The following CSMD1 variants were observed in gnomAD, a reference collection of about 807,000 sequenced individuals.
The protein encoded by CSMD1 is CUB and Sushi multiple domains 1, also known as CUB and sushi domain-containing protein 1.
In CSMD1, 213 loss-of-function variants were observed where a neutral mutation model predicts 417.5. The observed-to-expected ratio is 0.51, with a 90% CI of 0.46 to 0.57. CSMD1 has a LOEUF of 0.57. Among genes scored for constraint, CSMD1 ranks in the 20% least tolerant of loss-of-function variants. CSMD1 has a pLI of 0.00. For missense variants in CSMD1, 6,923 were observed against 4,529.7 expected (o/e 1.53, Z -15.17); for synonymous variants, 2,862 against 1,736.8 (o/e 1.65, Z -16.11).
chr8:3,709,971 C>G (rs532667586), intron 6 of CSMD1, among the ~76,000 whole-genome samples: 6 of 151,654 alleles, frequency 4.0e-5, no homozygotes, highest in African/African-American at 1.5e-4. Flanking sequence ...CCCCCACACA[C>G]AGCTGAAAAC....
intron 2 of CSMD1, among the ~76,000 whole-genome samples, chr8:4,420,446 C>T (rs927868487): frequency 1.3e-5 from 2 of 151,928 alleles, no homozygotes; most frequent in Non-Finnish European, 2.9e-5. Flanking sequence ...GAAGGTGCGT[C>T]ATGGTGGTTT....
chr8:3,814,758 C>G (rs557239956), intron 5 of CSMD1, among the ~76,000 whole-genome samples: 11 of 152,146 alleles, frequency 7.2e-5, no homozygotes, highest in Non-Finnish European at 1.6e-4. Flanking sequence ...ACTTGCATTT[C>G]CAATGGACTA....
At chr8:3,178,056 G>T (rs1047367237) in intron 37 of CSMD1, among the ~76,000 whole-genome samples, 2 of 152,010 alleles carry the variant, frequency 1.3e-5, no homozygotes, top group Non-Finnish European at 2.9e-5. Flanking sequence ...GCTTTTACTT[G>T]GATTCTGTAA....
intron 5 of CSMD1, among the ~76,000 whole-genome samples, chr8:3,833,980 G>C (rs548345329): frequency 6.6e-6 from 1 of 151,952 alleles, no homozygotes; most frequent in African/African-American, 2.4e-5. Context: ...TTCCTATACG[G>C]TTTGAACACC....
chr8:3,272,047 G>A (rs997731695), intron 26 of CSMD1, among the ~76,000 whole-genome samples: 7 of 150,764 alleles, frequency 4.6e-5, no homozygotes, highest in Admixed American at 2.0e-4. Context: ...TTTCTTCTAG[G>A]GTTTTTATGG....
At chr8:4,186,337 G>A (rs1798674736) in intron 3 of CSMD1, among the ~76,000 whole-genome samples, 1 of 152,094 alleles carries the variant, frequency 6.6e-6, no homozygotes. Context: ...ACTCCTCATG[G>A]CCCAGCCCTG....
intron 7 of CSMD1, among the ~76,000 whole-genome samples, chr8:3,679,629 G>A (rs907497344): frequency 2.6e-5 from 4 of 152,006 alleles, no homozygotes; most frequent in African/African-American, 7.2e-5. Flanking sequence ...AGATCAACAA[G>A]ACAGCAAGTT....
In CSMD1 at chr8:3,151,522, T is replaced by G. The variant is rs773007035; in HGVS notation, c.5915-9A>C. 2.5e-6 allele frequency: 4 copies of G among 1,576,526 alleles called. No individual in the cohort carries two copies. The South Asian group carries it at 3.4e-5, about 13-fold the overall frequency. ...CGTCCCTCCACAGGTTGCTGTTAAGTGGACAAGATGTCAGTCCTGCAGGTC... is the reference window on the plus strand; with the variant it reads ...CGTCCCTCCACAGGTTGCTGTTAAGGGGACAAGATGTCAGTCCTGCAGGTC... On this transcript the variant is annotated splice_polypyrimidine_tract_variant and intron_variant, in intron 39 of 69. Coordinates refer to ENST00000635120, the MANE Select transcript of CSMD1 (RefSeq NM_033225.6).
At chr8:4,396,204 C>G (rs534372598) in intron 3 of CSMD1, among the ~76,000 whole-genome samples, 2 of 151,996 alleles carry the variant, frequency 1.3e-5, no homozygotes, top group African/African-American at 2.4e-5. Flanking sequence ...ATGACTCACG[C>G]CAATCCCAGC....
chr8:4,390,486 G>A (rs1803768492), intron 3 of CSMD1, among the ~76,000 whole-genome samples: 1 of 52,776 alleles, frequency 1.9e-5, no homozygotes, highest in Non-Finnish European at 3.8e-5. Flanking sequence ...GTTACCCACA[G>A]AAGCGTCCAT....
chr8:3,748,782 G>C (rs955441961), intron 6 of CSMD1, among the ~76,000 whole-genome samples: 2 of 152,146 alleles, frequency 1.3e-5, no homozygotes, highest in Non-Finnish European at 2.9e-5. Context: ...TGGTATAAAG[G>C]TCTTCATTTT....
chr8:4,623,397 G>C (rs1229443209), intron 2 of CSMD1, among the ~76,000 whole-genome samples: 1 of 151,888 alleles, frequency 6.6e-6, no homozygotes, highest in Non-Finnish European at 1.5e-5. Context: ...ATTTAAAATG[G>C]GACTACCAGA....
intron 3 of CSMD1, among the ~76,000 whole-genome samples, chr8:4,355,018 T>C (rs1343265064): frequency 6.6e-6 from 1 of 151,866 alleles, no homozygotes; most frequent in African/African-American, 2.4e-5. Context: ...ATCCCAGCAC[T>C]TTGGGAGGCC....
chr8:4,749,564 T>C (rs1162678050), intron 1 of CSMD1, among the ~76,000 whole-genome samples: 3 of 152,240 alleles, frequency 2.0e-5, no homozygotes, highest in African/African-American at 7.2e-5. Flanking sequence ...CATGCTTGTT[T>C]ATTCAGGAAA....
chr8:3,595,154 G>A (rs957339122), intron 8 of CSMD1, among the ~76,000 whole-genome samples: 7 of 152,142 alleles, frequency 4.6e-5, no homozygotes, highest in Admixed American at 3.9e-4. Flanking sequence ...CAATTCACCG[G>A]ATGGCCTCTG....
At chr8:4,733,155 G>C (rs1810012634) in intron 1 of CSMD1, among the ~76,000 whole-genome samples, 1 of 152,158 alleles carries the variant, frequency 6.6e-6, no homozygotes, top group African/African-American at 2.4e-5. Flanking sequence ...CATTTATTCA[G>C]TCAATGTCTA....
At chr8:4,451,202 G>C (rs77145446) in intron 2 of CSMD1, among the ~76,000 whole-genome samples, 383 of 152,206 alleles carry the variant, frequency 2.5e-3, no homozygotes, top group African/African-American at 8.9e-3. Context: ...GATGAGGCAT[G>C]TGCCTGTAGT....
intron 1 of CSMD1, among the ~76,000 whole-genome samples, chr8:4,966,960 T>C (rs982835837): frequency 1.3e-5 from 2 of 152,202 alleles, no homozygotes. Context: ...AACGTTTGCT[T>C]TTTACAAATT....
chr8:4,922,456 A>G (rs1806561836), intron 1 of CSMD1, among the ~76,000 whole-genome samples: 1 of 152,236 alleles, frequency 6.6e-6, no homozygotes, highest in African/African-American at 2.4e-5. Flanking sequence ...AGAACTTCTA[A>G]TAACTTGATA....
Sources: allele counts gnomAD v4.1 joint callset (sites outside exome capture counted in the v4.1 genomes callset), GRCh38; gene constraint gnomAD v4.1.1; transcripts MANE v1.5; gene names NCBI Gene and HGNC (gene_info 2026-07-23, HGNC 2026-07-21).